Variants in APAF1 observed in about 807,000 individuals in gnomAD.
APAF1 encodes apoptotic protease-activating factor 1.
A neutral mutation model predicts 152.4 loss-of-function variants in APAF1; 91 were observed. That is an observed-to-expected ratio of 0.60 (90% CI 0.50 to 0.71). APAF1 has a LOEUF of 0.71. Among genes scored for constraint, APAF1 ranks in the 30% least tolerant of loss-of-function variants. The pLI is 0.00. For missense variants in APAF1, 1,283 were observed against 1,472.0 expected, an observed-to-expected ratio of 0.87 and a Z score of 2.10; for synonymous variants, 484 against 494.1, an observed-to-expected ratio of 0.98 and a Z score of 0.27.
intron 4 of APAF1, among the ~76,000 whole-genome samples, chr12:98,651,855 C>A (rs1190473976): frequency 2.6e-5 from 4 of 152,144 alleles, no homozygotes; most frequent in Middle Eastern, 3.4e-3. Context: ...TGCTTTGTCA[C>A]CCAGGCTGGA....
In APAF1 at chr12:98,728,709, C is replaced by T. The variant is rs373804535; in HGVS notation, c.3600+1393C>T. Among the ~76,000 whole-genome samples the T allele has an allele frequency of 2.7e-3, 406 of 152,082 alleles. 1 individual carries two copies. The highest frequency in any genetic ancestry group is 9.0e-3 in the African/African-American group (373 of 41,448). ...CTGTACTCCAGCCTGGGCAACAGAG[C>T]GAGACTATCTCAAAAACAAACAAAC... On this transcript the variant is annotated intron_variant, in intron 26 of 26. Coordinates refer to ENST00000551964, the MANE Select transcript of APAF1 (RefSeq NM_181861.2).
At chr12:98,725,270 CT>C in intron 24 of APAF1, 144 bp from the exon 25 acceptor site, 1 of 1,000,150 alleles carries the variant, frequency 1.0e-6, no homozygotes. Flanking sequence ...AGGTTGCATG[CT>C]GGAACTTGGG....
At chr12:98,647,994 A>T (rs189247565) in intron 1 of APAF1, among the ~76,000 whole-genome samples, 61 of 152,124 alleles carry the variant, frequency 4.0e-4, no homozygotes, top group African/African-American at 1.5e-3. Context: ...CTCCTTGTGG[A>T]TATTTTTACA....
chr12:98,706,180 T>G (rs1018843075), intron 18 of APAF1, among the ~76,000 whole-genome samples: 3 of 152,210 alleles, frequency 2.0e-5, no homozygotes, highest in Admixed American at 6.5e-5. Flanking sequence ...ATCCTAGAGA[T>G]TTGTCGTCAT....
chr12:98,678,832 C>T lies in APAF1; in HGVS notation c.1920+1281C>T, dbSNP rs552444759. On this transcript the variant is annotated intron_variant, in intron 13 of 26. Coordinates refer to ENST00000551964, the MANE Select transcript of APAF1 (RefSeq NM_181861.2). ...TTGGGGCAGTGCTGACATGCCAGCC[C>T]CCTGCCGCCTCGGCCCCCTCCGGAC... Among the ~76,000 whole-genome samples, 105 of 152,346 alleles carry T rather than the reference C, an allele frequency of 6.9e-4. 1 individual carries two copies. The South Asian group carries it at 9.9e-3, about 14-fold the overall frequency.
chr12:98,716,347 A>G (rs940007517), intron 22 of APAF1, among the ~76,000 whole-genome samples: 2 of 152,216 alleles, frequency 1.3e-5, no homozygotes, highest in African/African-American at 4.8e-5. Flanking sequence ...CAATCCATTT[A>G]TCCCAATTAT....
chr12:98,672,032 T>C (rs780833686), intron 12 of APAF1, among the ~76,000 whole-genome samples: 7 of 152,194 alleles, frequency 4.6e-5, no homozygotes, highest in Non-Finnish European at 1.0e-4. Flanking sequence ...GCCACAGAAC[T>C]GGGTTTGAGC....
At chr12:98,653,689 A>ATGT (rs1335358276) in intron 4 of APAF1, among the ~76,000 whole-genome samples, 2 of 23,972 alleles carry the variant, frequency 8.3e-5, no homozygotes, top group Non-Finnish European at 1.6e-4. Context: ...AAAAAAAAAA[A>ATGT]AAATATATAT....
In APAF1 at chr12:98,693,180, G is replaced by A. The variant is rs572168034; in HGVS notation, c.2305-6228G>A. 4.0e-5 allele frequency among the ~76,000 whole-genome samples: 6 copies of A among 151,702 alleles called. No homozygotes were observed. The East Asian group carries it at 1.2e-3, about 29-fold the overall frequency. On this transcript the variant is annotated intron_variant, in intron 16 of 26. Coordinates refer to ENST00000551964, the MANE Select transcript of APAF1 (RefSeq NM_181861.2). ...ATTCCTGGGTATTTTATTTTTTTGT[G>A]TGTGGCTACTGTAAATGGGATTGTG...
At chr12:98,719,212 C>T (rs1385017837) in intron 22 of APAF1, among the ~76,000 whole-genome samples, 4 of 152,192 alleles carry the variant, frequency 2.6e-5, no homozygotes, top group Non-Finnish European at 4.4e-5. Flanking sequence ...GTGTGGCTAT[C>T]TTAGGATTCT....
chr12:98,678,878 G>A (rs1040353662), intron 13 of APAF1, among the ~76,000 whole-genome samples: 3 of 152,216 alleles, frequency 2.0e-5, no homozygotes, highest in Non-Finnish European at 4.4e-5. Flanking sequence ...GATGAGCATA[G>A]GAGGGAAGCC....
intron 24 of APAF1, 60 bp downstream of exon 24, chr12:98,723,824 C>A: frequency 1.3e-6 from 2 of 1,540,958 alleles, no homozygotes; most frequent in South Asian, 1.1e-5. Context: ...ATAATGAGTT[C>A]AAATAATATA....
chr12:98,721,537 G>T (rs1475995866), intron 22 of APAF1, among the ~76,000 whole-genome samples: 1 of 152,128 alleles, frequency 6.6e-6, no homozygotes, highest in Non-Finnish European at 1.5e-5. Flanking sequence ...TTCCTCTCTG[G>T]TATGATTTGG....
At chr12:98,724,067 A>G (rs1345753383) in intron 24 of APAF1, among the ~76,000 whole-genome samples, 1 of 152,256 alleles carries the variant, frequency 6.6e-6, no homozygotes, top group Non-Finnish European at 1.5e-5. Context: ...TTATACACTG[A>G]CAATACAATT....
rs145496423 is a variant in APAF1, at chr12:98,694,970, G to A, written c.2305-4438G>A. On this transcript the variant is annotated intron_variant, in intron 16 of 26. Transcript: ENST00000551964. ...GCTCACTGCAAGATGGTGAACTTTT[G>A]ATGTCAAAGTCTTTATATCTTTTGT... Among the ~76,000 whole-genome samples, 367 of 151,016 alleles carry A rather than the reference G, an allele frequency of 2.4e-3. 1 individual carries two copies. Among genetic ancestry groups the A allele is most frequent in the African/African-American group, 8.4e-3 (344 of 41,112 alleles).
intron 10 of APAF1, among the ~76,000 whole-genome samples, chr12:98,668,191 A>T (rs188691711): frequency 4.4e-4 from 67 of 152,152 alleles, no homozygotes; most frequent in Non-Finnish European, 8.5e-4. Flanking sequence ...TATTAGTATA[A>T]TTTTTTATTA....
chr12:98,696,267 G>A (rs566087000), intron 16 of APAF1, among the ~76,000 whole-genome samples: 17 of 152,312 alleles, frequency 1.1e-4, no homozygotes, highest in African/African-American at 3.4e-4. Flanking sequence ...GGTGGAAAGG[G>A]GAGGGGAAGT....
intron 11 of APAF1, 68 bp from the exon 12 acceptor site, chr12:98,671,467 C>G (rs1477739613): frequency 9.4e-6 from 14 of 1,483,064 alleles, no homozygotes; most frequent in Non-Finnish European, 1.3e-5. Flanking sequence ...GTGGCAAGAT[C>G]ACAGAAATGG....
At chr12:98,721,696 T>C (rs1351909485) in intron 22 of APAF1, among the ~76,000 whole-genome samples, 2 of 152,206 alleles carry the variant, frequency 1.3e-5, no homozygotes, top group Non-Finnish European at 2.9e-5. Context: ...CAAGACCCCA[T>C]GCTCCTGATA....
Sources: allele counts gnomAD v4.1 joint callset (sites outside exome capture counted in the v4.1 genomes callset), GRCh38; gene constraint gnomAD v4.1.1; transcripts MANE v1.5; gene names NCBI Gene and HGNC (gene_info 2026-07-23, HGNC 2026-07-21).